Variants in KCNIP4 observed in about 807,000 individuals in gnomAD.
KCNIP4 encodes Kv channel-interacting protein 4.
In KCNIP4, 12 loss-of-function variants were observed where a neutral mutation model predicts 34.0. The observed-to-expected ratio is 0.35, with a 90% CI of 0.23 to 0.57. The LOEUF is 0.57. Ranked by LOEUF, KCNIP4 falls within the 20% of genes least tolerant of loss-of-function variation. The pLI, the probability that KCNIP4 is intolerant of heterozygous loss-of-function variation, is 0.83. For missense variants in KCNIP4, 238 were observed against 311.7 expected (o/e 0.76, Z 1.78); for synonymous variants, 124 against 102.2 (o/e 1.21, Z -1.29).
intron 3 of KCNIP4, among the ~76,000 whole-genome samples, chr4:20,837,686 A>ATATATATT (rs1350419753): frequency 1.2e-3 from 137 of 117,384 alleles, no homozygotes; most frequent in African/African-American, 4.5e-3. Context: ...ATATATATAT[A>ATATATATT]TTTTTTTTTC....
chr4:20,916,050 T>C (rs1728778318), intron 1 of KCNIP4, among the ~76,000 whole-genome samples: 1 of 152,146 alleles, frequency 6.6e-6, no homozygotes, highest in Non-Finnish European at 1.5e-5. Flanking sequence ...TGCATATTTT[T>C]GAGTTTATTC....
At chr4:20,944,285 G>A (rs1216003206) in intron 1 of KCNIP4, among the ~76,000 whole-genome samples, 1 of 152,096 alleles carries the variant, frequency 6.6e-6, no homozygotes, top group Admixed American at 6.5e-5. Flanking sequence ...TATGCTGAGG[G>A]TGATTTCCAT....
chr4:21,782,179 G>C (rs368313923), intron 1 of KCNIP4, among the ~76,000 whole-genome samples: 1 of 151,960 alleles, frequency 6.6e-6, no homozygotes, highest in Non-Finnish European at 1.5e-5. Flanking sequence ...GAAAAAACAC[G>C]ACCTAACTAC....
At chr4:20,926,681 T>C (rs1729924884) in intron 1 of KCNIP4, among the ~76,000 whole-genome samples, 1 of 152,218 alleles carries the variant, frequency 6.6e-6, no homozygotes, top group Non-Finnish European at 1.5e-5. Flanking sequence ...TTTGAGATTC[T>C]TTAAGGCACA....
At chr4:21,926,343 C>T (rs941260691) in intron 1 of KCNIP4, among the ~76,000 whole-genome samples, 2 of 152,150 alleles carry the variant, frequency 1.3e-5, no homozygotes, top group Non-Finnish European at 1.5e-5. Flanking sequence ...AGCCTACCTC[C>T]CATTACTACA....
chr4:21,792,807 A>G (rs566270793), intron 1 of KCNIP4, among the ~76,000 whole-genome samples: 1 of 152,360 alleles, frequency 6.6e-6, no homozygotes, highest in Admixed American at 6.5e-5. Context: ...TGACTTACCA[A>G]ACTACCCACT....
chr4:21,491,604 C>A (rs1310463649), intron 1 of KCNIP4, among the ~76,000 whole-genome samples: 1 of 152,116 alleles, frequency 6.6e-6, no homozygotes, highest in African/African-American at 2.4e-5. Flanking sequence ...AAATCCTGGG[C>A]TCAAGCAATC....
chr4:21,243,084 G>C (rs760786308), intron 1 of KCNIP4, among the ~76,000 whole-genome samples: 3 of 152,014 alleles, frequency 2.0e-5, no homozygotes, highest in Non-Finnish European at 4.4e-5. Context: ...ATCAATATCA[G>C]ATTTATAGAT....
chr4:21,356,239 C>A (rs532159744), intron 1 of KCNIP4, among the ~76,000 whole-genome samples: 133 of 152,234 alleles, frequency 8.7e-4, no homozygotes, highest in African/African-American at 3.1e-3. Flanking sequence ...AAACTGGAAG[C>A]ATTTCCTTTG....
At chr4:21,229,361 T>C (rs745705410) in intron 1 of KCNIP4, among the ~76,000 whole-genome samples, 1 of 152,226 alleles carries the variant, frequency 6.6e-6, no homozygotes, top group Non-Finnish European at 1.5e-5. Flanking sequence ...GGATTGTCTG[T>C]CTTCAGCTAT....
At chr4:20,882,486 T>A in intron 2 of KCNIP4, 122 bp downstream of exon 2, 2 of 698,714 alleles carry the variant, frequency 2.9e-6, no homozygotes, top group Admixed American at 2.5e-5. Context: ...TAAACATGAG[T>A]ACATCAATAG....
At chr4:21,048,693 A>G (rs1048141979) in intron 1 of KCNIP4, among the ~76,000 whole-genome samples, 1 of 152,188 alleles carries the variant, frequency 6.6e-6, no homozygotes, top group African/African-American at 2.4e-5. Context: ...AGATGGCCAC[A>G]CATTCTTTGA....
intron 1 of KCNIP4, among the ~76,000 whole-genome samples, chr4:21,653,571 G>T (rs968752656): frequency 2.0e-5 from 3 of 152,138 alleles, no homozygotes; most frequent in Non-Finnish European, 2.9e-5. Flanking sequence ...AAAATCCATT[G>T]TTGTGATATG....
chr4:21,172,121 G>C lies in KCNIP4; in HGVS notation c.62-289412C>G, dbSNP rs541964655. ...TGGCTCACTGCAACCTCTGCCTCCC[G>C]GGTTCAAGCAATTCTCCTGCCTCAG... On this transcript the variant is annotated intron_variant, in intron 1 of 8. Transcript: ENST00000382152. 3.6e-4 allele frequency among the ~76,000 whole-genome samples: 55 copies of C among 152,102 alleles called. 1 individual carries two copies. The South Asian group carries it at 0.011, about 31-fold the overall frequency.
intron 1 of KCNIP4, among the ~76,000 whole-genome samples, chr4:21,101,076 G>T (rs1395195177): frequency 6.6e-6 from 1 of 152,140 alleles, no homozygotes; most frequent in Non-Finnish European, 1.5e-5. Flanking sequence ...AGTGAACATT[G>T]TGCCTAATAA....
intron 1 of KCNIP4, among the ~76,000 whole-genome samples, chr4:21,890,859 G>A (rs1052699075): frequency 6.6e-6 from 1 of 152,094 alleles, no homozygotes; most frequent in African/African-American, 2.4e-5. Context: ...GAAACCCAAA[G>A]CCAGAGAATG....
At chr4:20,891,357 A>C (rs1421123725) in intron 1 of KCNIP4, among the ~76,000 whole-genome samples, 1 of 152,158 alleles carries the variant, frequency 6.6e-6, no homozygotes, top group Non-Finnish European at 1.5e-5. Context: ...CTGTAATCCT[A>C]GCACTTTGGG....
intron 1 of KCNIP4, among the ~76,000 whole-genome samples, chr4:20,996,489 T>G (rs988929002): frequency 1.3e-5 from 2 of 152,204 alleles, no homozygotes; most frequent in African/African-American, 4.8e-5. Context: ...TTAAATAAAC[T>G]AAGACTATCC....
At chr4:21,851,017 A>G (rs901823442) in intron 1 of KCNIP4, 8 of 152,216 alleles carry the variant, frequency 5.3e-5, no homozygotes, top group Admixed American at 5.2e-4. Flanking sequence ...CACTAAAAGC[A>G]CTGTGAAAGA....
Sources: allele counts gnomAD v4.1 joint callset (sites outside exome capture counted in the v4.1 genomes callset), GRCh38; gene constraint gnomAD v4.1.1; transcripts MANE v1.5; gene names NCBI Gene and HGNC (gene_info 2026-07-23, HGNC 2026-07-21).